The following PTPN13 variants were observed in gnomAD, a reference collection of about 807,000 sequenced individuals.
PTPN13 encodes protein tyrosine phosphatase non-receptor type 13.
In PTPN13, 191 loss-of-function variants were observed where a neutral mutation model predicts 284.0. That is an observed-to-expected ratio of 0.67 (90% confidence interval 0.60 to 0.76). The LOEUF (loss-of-function observed/expected upper bound fraction) is 0.76, where lower values mean the gene tolerates loss of function less well. Among genes scored for constraint, PTPN13 ranks in the 30% least tolerant of loss-of-function variants. The pLI is 0.00. For synonymous variants in PTPN13, 986 were observed against 1,022.3 expected (o/e 0.96, Z 0.68); for missense variants, 2,797 against 2,939.9 (o/e 0.95, Z 1.12).
intron 7 of PTPN13, among the ~76,000 whole-genome samples, chr4:86,712,834 C>A: frequency 6.6e-6 from 1 of 151,464 alleles, no homozygotes; most frequent in East Asian, 1.9e-4. Context: ...AGAAGGAACC[C>A]AGAGATTGAA....
intron 35 of PTPN13, 105 bp from the exon 36 acceptor site, chr4:86,780,297 G>A: frequency 1.1e-6 from 1 of 878,234 alleles, no homozygotes; most frequent in South Asian, 1.4e-5. Flanking sequence ...CTCCTTGGGA[G>A]GCTGAGGTGG....
intron 3 of PTPN13, among the ~76,000 whole-genome samples, chr4:86,683,099 T>G (rs1173577512): frequency 6.6e-6 from 1 of 152,128 alleles, no homozygotes; most frequent in Non-Finnish European, 1.5e-5. Flanking sequence ...ATTTCATACT[T>G]ATATGTATTA....
In PTPN13 at chr4:86,766,423, A is replaced by G. The variant is rs937473134; in HGVS notation, c.4244-9A>G. 8 of 1,597,474 alleles carry G rather than the reference A, an allele frequency of 5.0e-6. No homozygotes were observed. Among genetic ancestry groups the G allele is most frequent in the Non-Finnish European group, 6.8e-6 (8 of 1,172,398 alleles). ...TTTTTATTTATGATTTGAACTGCCTAATTTTTAGGTGATCGCGTCCTAGCT... is the reference window on the plus strand; with the variant it reads ...TTTTTATTTATGATTTGAACTGCCTGATTTTTAGGTGATCGCGTCCTAGCT... On this transcript the variant is annotated splice_polypyrimidine_tract_variant and intron_variant, in intron 26 of 47. Transcript: ENST00000411767.
intron 7 of PTPN13, among the ~76,000 whole-genome samples, chr4:86,709,483 A>C (rs1732136757): frequency 6.6e-6 from 1 of 152,200 alleles, no homozygotes; most frequent in South Asian, 2.1e-4. Context: ...GAATTTTAAT[A>C]TATGCAGTGG....
At chr4:86,738,222 A>G (rs1399083647) in intron 15 of PTPN13, among the ~76,000 whole-genome samples, 13 of 152,148 alleles carry the variant, frequency 8.5e-5, no homozygotes, top group Non-Finnish European at 1.5e-5. Context: ...TCCTGAGTAA[A>G]TATCTAGCAG....
chr4:86,772,582 G>A (rs990261499), intron 31 of PTPN13, among the ~76,000 whole-genome samples, 196 bp from the exon 32 acceptor site: 5 of 152,036 alleles, frequency 3.3e-5, no homozygotes, highest in African/African-American at 1.2e-4. Context: ...AACCTAGACA[G>A]AGAATAAATT....
Position 86,799,220 on chromosome 4 carries a change from A to G in PTPN13, c.6505+16A>G, listed in dbSNP as rs1460443402. On this transcript the variant is annotated intron_variant, in intron 42 of 47. Transcript: ENST00000411767. ...TCTGATAAAGGCAAGAATTTTAATG[A>G]CAGTTTTTTCCTCAAAAATAATGAA... 3.4e-6 allele frequency: 5 copies of G among 1,452,626 alleles called. No individual in the cohort carries two copies. The highest frequency in any genetic ancestry group is 3.5e-4 in the Middle Eastern group (2 of 5,678). 90.0% of individuals were successfully genotyped at this position (1,452,626 alleles called of 1,614,324 possible). A position where few individuals can be genotyped will look rare whatever the true frequency, so the allele number is the denominator to read the frequency against.
chr4:86,710,867 ATCT>A (rs923705733), intron 7 of PTPN13, among the ~76,000 whole-genome samples: 1 of 152,168 alleles, frequency 6.6e-6, no homozygotes, highest in African/African-American at 2.4e-5. Context: ...ATGAAAGGAC[ATCT>A]TCTAATGATT....
At chr4:86,595,288 G>A (rs1183861277) in intron 1 of PTPN13, among the ~76,000 whole-genome samples, 1 of 151,922 alleles carries the variant, frequency 6.6e-6, no homozygotes, top group Non-Finnish European at 1.5e-5. Flanking sequence ...GGGAAGCAGA[G>A]GAAGAGGGGG....
chr4:86,726,622 T>C lies in PTPN13; in HGVS notation c.1608+4188T>C, dbSNP rs1395589293. 2.0e-5 allele frequency among the ~76,000 whole-genome samples: 3 copies of C among 149,448 alleles called. 1 individual carries two copies. Among genetic ancestry groups the C allele is most frequent in the Non-Finnish European group, 3.0e-5 (2 of 66,650 alleles). ...TCATGATTTGGCTGTTTGTCTGTTA[T>C]TGGTGTAGAGAAATGTTTGTGATTT... On this transcript the variant is annotated intron_variant, in intron 10 of 47. Coordinates refer to ENST00000411767, the MANE Select transcript of PTPN13 (RefSeq NM_080683.3).
At position 86,689,244 on chromosome 4, in the gene PTPN13, T is replaced by C. The variant is rs529649490; in HGVS notation, c.546+54T>C. ...GTCATATTTTAAAATTTAGTAGATATCACAAAATTTTCTTTAAGGATACTA... is the reference window on the plus strand; with the variant it reads ...GTCATATTTTAAAATTTAGTAGATACCACAAAATTTTCTTTAAGGATACTA... On this transcript the variant is annotated intron_variant, in intron 5 of 47. Coordinates refer to ENST00000411767, the MANE Select transcript of PTPN13 (RefSeq NM_080683.3). The C allele has an allele frequency of 3.2e-5, 48 of 1,485,350 alleles. 1 individual carries two copies. The South Asian group carries it at 4.8e-4, about 15-fold the overall frequency. 92.0% of individuals were successfully genotyped at this position (1,485,350 alleles called of 1,614,324 possible).
At position 86,811,027 on chromosome 4, in the gene PTPN13, A is replaced by G. The variant is rs768368519; in HGVS notation, c.7300-19A>G. ...CAGTTATCCTTTGAATCTAACACAT[A>G]TGTGGTTTCCTCTGACAGTTTGACA... is the stretch of plus-strand genomic sequence containing the variant. On this transcript the variant is annotated intron_variant, in intron 46 of 47. Coordinates refer to ENST00000411767, the MANE Select transcript of PTPN13 (RefSeq NM_080683.3). 6.2e-7 allele frequency: 1 copy of G among 1,607,518 alleles called. No homozygotes were observed. Among genetic ancestry groups the G allele is most frequent in the Non-Finnish European group, 8.5e-7 (1 of 1,174,450 alleles).
chr4:86,664,213 TA>T (rs1157884735), intron 2 of PTPN13, among the ~76,000 whole-genome samples: 2 of 152,202 alleles, frequency 1.3e-5, no homozygotes, highest in Non-Finnish European at 2.9e-5. Context: ...TCAGACATTG[TA>T]AATAAGTTTG....
intron 1 of PTPN13, among the ~76,000 whole-genome samples, chr4:86,607,612 G>A (rs1764900674): frequency 6.6e-6 from 1 of 151,942 alleles, no homozygotes; most frequent in African/African-American, 2.4e-5. Flanking sequence ...ACTCCAGTCA[G>A]CTATCATAAC....
Position 86,785,906 on chromosome 4 carries a change from T to C in PTPN13, c.6315T>C (p.Asp2105=), listed in dbSNP as rs1238883067. 1 of 1,563,234 alleles carries C rather than the reference T, an allele frequency of 6.4e-7. No homozygotes were observed. Residue 2105 remains aspartate, a synonymous_variant, in exon 40 of 48, where the codon GAT becomes GAC. Coordinates refer to ENST00000411767, the MANE Select transcript of PTPN13 (RefSeq NM_080683.3). ...AGAGAACAGAAGATACAGACTGCGA[T>C]GGTTCACCTTTACCTGAGTATTTTA... ...SEERTEDTDC[D]GSPLPEYFTE...
chr4:86,803,638 A>G, intron 42 of PTPN13, 71 bp from the exon 43 acceptor site: 1 of 1,479,982 alleles, frequency 6.8e-7, no homozygotes, highest in Non-Finnish European at 9.4e-7. Context: ...AGGTGAACAT[A>G]GGCTGAAATT....
intron 28 of PTPN13, among the ~76,000 whole-genome samples, chr4:86,769,188 T>C (rs539304671): frequency 6.6e-6 from 1 of 152,336 alleles, no homozygotes; most frequent in South Asian, 2.1e-4. Flanking sequence ...CCCAGAACAT[T>C]ACAATTTCAA....
At chr4:86,790,825 A>G (rs570916657) in intron 40 of PTPN13, among the ~76,000 whole-genome samples, 23 of 152,312 alleles carry the variant, frequency 1.5e-4, no homozygotes, top group Admixed American at 1.4e-3. Context: ...ATAAAGATTC[A>G]ATTGTATAAT....
At chr4:86,657,663 T>G (rs745982346) in intron 2 of PTPN13, among the ~76,000 whole-genome samples, 1 of 152,156 alleles carries the variant, frequency 6.6e-6, no homozygotes, top group Non-Finnish European at 1.5e-5. Context: ...TGATGTTTAT[T>G]CAAGGACCAT....
Sources: gnomAD v4.1 joint callset for allele counts (sites outside exome capture counted in the v4.1 genomes callset) on GRCh38, gnomAD v4.1.1 for gene constraint, MANE v1.5 for transcripts, NCBI Gene and HGNC (gene_info 2026-07-23, HGNC 2026-07-21) for gene names.